EDEM3: variants seen among roughly 807,000 people sequenced by gnomAD.
EDEM3 encodes the protein ER degradation enhancing alpha-mannosidase like protein 3, also known as ER degradation-enhancing alpha-mannosidase-like protein 3.
Under a neutral mutation model 110.2 loss-of-function variants are expected in EDEM3, and 60 were observed. The observed-to-expected ratio is 0.54, with a 90% confidence interval of 0.44 to 0.67. The LOEUF is 0.67. Among genes scored for constraint, EDEM3 ranks in the 30% least tolerant of loss-of-function variants. The pLI, the probability that EDEM3 is intolerant of heterozygous loss-of-function variation, is 0.00. For synonymous variants in EDEM3, 352 were observed against 382.9 expected, an observed-to-expected ratio of 0.92 and a Z score of 0.94; for missense variants, 996 against 1,121.0, an observed-to-expected ratio of 0.89 and a Z score of 1.59.
chr1:184,697,092 T>C (rs908122347), intron 19 of EDEM3, among the ~76,000 whole-genome samples: 10 of 151,850 alleles, frequency 6.6e-5, no homozygotes, highest in African/African-American at 2.4e-4. Flanking sequence ...AATAACTCCT[T>C]TGTAGTAACA....
At chr1:184,722,332 T>C (rs970159887) in intron 8 of EDEM3, among the ~76,000 whole-genome samples, 1 of 152,026 alleles carries the variant, frequency 6.6e-6, no homozygotes, top group African/African-American at 2.4e-5. Flanking sequence ...GGATTTAATT[T>C]AACAGCTGAA....
intron 2 of EDEM3, among the ~76,000 whole-genome samples, chr1:184,738,161 T>C (rs554894507): frequency 1.3e-5 from 2 of 152,228 alleles, no homozygotes; most frequent in Admixed American, 1.3e-4. Context: ...TGTACTCTAT[T>C]CTAATAACTA....
chr1:184,713,048 A>G (rs1650345467), intron 13 of EDEM3, among the ~76,000 whole-genome samples: 1 of 152,216 alleles, frequency 6.6e-6, no homozygotes, highest in Non-Finnish European at 1.5e-5. Context: ...CTTTAAATGT[A>G]AAGAAATTAC....
Position 184,749,955 on chromosome 1 carries a change from G to A in EDEM3, c.159-363C>T, listed in dbSNP as rs183639118. Among the ~76,000 whole-genome samples, 259 of 152,182 alleles carry A rather than the reference G, an allele frequency of 1.7e-3. 2 individuals are homozygous for A. Among genetic ancestry groups the A allele is most frequent in the Middle Eastern group, 3.4e-3 (1 of 292 alleles). The stretch of plus-strand genomic sequence containing the variant: ...TTATTTAACGTATCTGTCTTGAAGC[G>A]GGGGTTTTGCTGGACAGCCCTTTAA... On this transcript the variant is annotated intron_variant, in intron 1 of 19. Transcript: ENST00000318130.
chr1:184,723,926 G>T, intron 7 of EDEM3, 70 bp from the exon 8 acceptor site: 1 of 1,173,086 alleles, frequency 8.5e-7, no homozygotes, highest in Non-Finnish European at 1.2e-6. Context: ...TGGCAAATAG[G>T]AAACTAACAA....
At chr1:184,710,347 A>G (rs1177881729) in intron 16 of EDEM3, 47 bp downstream of exon 16, 1 of 1,587,374 alleles carries the variant, frequency 6.3e-7, no homozygotes, top group Admixed American at 1.8e-5. Context: ...ATGCGACCAA[A>G]GAAAGCAGGG....
intron 19 of EDEM3, among the ~76,000 whole-genome samples, chr1:184,702,435 T>C (rs1186759090): frequency 6.6e-6 from 1 of 152,202 alleles, no homozygotes; most frequent in African/African-American, 2.4e-5. Context: ...ATTCTATATA[T>C]GTCTTCTCAT....
chr1:184,754,454 C>G (rs745918186), intron 1 of EDEM3, 35 bp downstream of exon 1: 116 of 1,612,276 alleles, frequency 7.2e-5, no homozygotes, highest in Non-Finnish European at 1.8e-5. Flanking sequence ...GTCAGCCTCA[C>G]CGAGAAACCC....
chr1:184,721,444 TA>T (rs896035356), intron 8 of EDEM3, 58 bp from the exon 9 acceptor site: 112 of 1,348,784 alleles, frequency 8.3e-5, no homozygotes, highest in Admixed American at 1.3e-4. Flanking sequence ...TAAATTTTTT[TA>T]AAAAAATAGC....
At chr1:184,707,314 T>A (rs1649983244) in intron 17 of EDEM3, among the ~76,000 whole-genome samples, 1 of 152,198 alleles carries the variant, frequency 6.6e-6, no homozygotes, top group Non-Finnish European at 1.5e-5. Flanking sequence ...ACCAAAAAAA[T>A]TAAATCCACC....
intron 9 of EDEM3, among the ~76,000 whole-genome samples, chr1:184,720,171 G>A (rs971800610): frequency 5.3e-5 from 8 of 152,008 alleles, no homozygotes. Context: ...ATAGTTATTT[G>A]TCCCCATTTA....
At chr1:184,737,322 A>G (rs187210901) in intron 3 of EDEM3, among the ~76,000 whole-genome samples, 74 of 152,302 alleles carry the variant, frequency 4.9e-4, no homozygotes, top group African/African-American at 1.7e-3. Context: ...TTAAAACATC[A>G]ACAGTCCAAT....
chr1:184,701,199 T>C (rs1030152891), intron 19 of EDEM3, among the ~76,000 whole-genome samples: 2 of 152,014 alleles, frequency 1.3e-5, no homozygotes, highest in African/African-American at 2.4e-5. Flanking sequence ...ATATTTTACA[T>C]TGTGTTCAAA....
chr1:184,702,856 A>C lies in EDEM3; in HGVS notation c.2344T>G (p.Tyr782Asp). 6.2e-7 allele frequency: 1 copy of C among 1,612,188 alleles called. No individual in the cohort carries two copies. The highest frequency in any genetic ancestry group is 8.5e-7 in the Non-Finnish European group (1 of 1,179,300). ...GAGAGGAGCACTTCTACCTCCTCAT[A>C]TTCCCGGATGGCATCCAGTATGATA... The part of the protein sequence containing the change: ...GSIILDAIRE[Y>D]EEVEVLLSDK... The change falls in exon 19 of 20, where the codon TAT becomes GAT. Residue 782 changes from tyrosine to aspartate, a missense_variant. Tyr to Asp is a radical substitution (Grantham distance 160, BLOSUM62 -3). This residue lies in a region of EDEM3 where 345 missense variants were observed against 402.0 expected (regional missense o/e 0.86). Transcript: ENST00000318130.
At position 184,741,916 on chromosome 1, in the gene EDEM3, C is replaced by T. The variant is rs566216326; in HGVS notation, c.205-4205G>A. ...CTCTTCTTGCATTTGCTGGGTGTTGCTATGGCAAAGTTTCTAAGACTAGAG... is the reference window on the plus strand; with the variant it reads ...CTCTTCTTGCATTTGCTGGGTGTTGTTATGGCAAAGTTTCTAAGACTAGAG... On this transcript the variant is annotated intron_variant, in intron 2 of 19. Transcript: ENST00000318130. 2.1e-3 allele frequency among the ~76,000 whole-genome samples: 316 copies of T among 152,182 alleles called. 1 individual carries two copies. The highest frequency in any genetic ancestry group is 7.2e-3 in the African/African-American group (300 of 41,532).
At chr1:184,728,638 T>A (rs1197597204) in intron 6 of EDEM3, among the ~76,000 whole-genome samples, 1 of 150,842 alleles carries the variant, frequency 6.6e-6, no homozygotes, top group Non-Finnish European at 1.5e-5. Context: ...GGGGATGGAG[T>A]CTCACTCTGT....
At chr1:184,711,461 T>G (rs1179138844) in intron 15 of EDEM3, among the ~76,000 whole-genome samples, 1 of 152,168 alleles carries the variant, frequency 6.6e-6, no homozygotes, top group Non-Finnish European at 1.5e-5. Context: ...AACTGTTACA[T>G]GCTGCCCACT....
chr1:184,754,340 A>G (rs1652965650), intron 1 of EDEM3, 149 bp downstream of exon 1: 3 of 1,298,358 alleles, frequency 2.3e-6, no homozygotes, highest in Middle Eastern at 1.9e-4. Context: ...ACCTCCCCGG[A>G]CCCTGTCCAC....
rs1649019918 is a variant in EDEM3, at chr1:184,690,594, CT to C, written c.*3468del. 5.9e-5 allele frequency: 9 copies of C among 152,508 alleles called. No individual in the cohort carries two copies. The highest frequency in any genetic ancestry group is 5.9e-4 in the Admixed American group (9 of 15,262). 9.4% of individuals were successfully genotyped at this position (152,508 alleles called of 1,614,324 possible). ...CAGGATTATATACATTTTGCCCAGA[CT>C]TTTACATCACAGTACATAGTTTCCC... On this transcript the variant is annotated 3_prime_UTR_variant, in exon 20 of 20. Coordinates refer to ENST00000318130, the MANE Select transcript of EDEM3 (RefSeq NM_025191.4).
Sources: allele counts gnomAD v4.1 joint callset (sites outside exome capture counted in the v4.1 genomes callset), GRCh38; gene constraint gnomAD v4.1.1; regional missense constraint gnomAD v4.1.1; transcripts MANE v1.5; gene names NCBI Gene and HGNC (gene_info 2026-07-23, HGNC 2026-07-21).